PITPNC1: variants seen among roughly 807,000 people sequenced by gnomAD.
The protein encoded by PITPNC1 is cytoplasmic phosphatidylinositol transfer protein 1.
Under a neutral mutation model 44.7 loss-of-function variants are expected in PITPNC1, and 18 were observed. That is an observed-to-expected ratio of 0.40 (90% CI 0.28 to 0.60). The LOEUF (loss-of-function observed/expected upper bound fraction) is 0.60, where lower values mean the gene tolerates loss of function less well. Among genes scored for constraint, PITPNC1 ranks in the 20% least tolerant of loss-of-function variants. The pLI, the probability that PITPNC1 is intolerant of heterozygous loss-of-function variation, is 0.39. For synonymous variants in PITPNC1, 141 were observed against 149.6 expected, an observed-to-expected ratio of 0.94 and a Z score of 0.42; for missense variants, 290 against 418.4, an observed-to-expected ratio of 0.69 and a Z score of 2.68.
intron 5 of PITPNC1, among the ~76,000 whole-genome samples, chr17:67,625,272 A>G (rs1419098075): frequency 6.6e-6 from 1 of 152,192 alleles, no homozygotes; most frequent in East Asian, 1.9e-4. Flanking sequence ...CCATCTCAGG[A>G]GACAAATTCA....
intron 5 of PITPNC1, among the ~76,000 whole-genome samples, chr17:67,608,784 C>A (rs1354228736): frequency 6.8e-6 from 1 of 148,128 alleles, no homozygotes; most frequent in Non-Finnish European, 1.5e-5. Flanking sequence ...GAGGCATGAA[C>A]CATCACGCCC....
intron 2 of PITPNC1, among the ~76,000 whole-genome samples, chr17:67,549,175 C>T (rs576776909): frequency 2.6e-5 from 4 of 152,206 alleles, no homozygotes; most frequent in African/African-American, 7.2e-5. Flanking sequence ...GAGTTCAGGC[C>T]GGGCGCGGTG....
intron 1 of PITPNC1, among the ~76,000 whole-genome samples, chr17:67,433,501 G>A (rs1172738564): frequency 6.6e-6 from 1 of 152,188 alleles, no homozygotes; most frequent in African/African-American, 2.4e-5. Context: ...CACTTTAGGA[G>A]GCCGAGGAGG....
intron 1 of PITPNC1, among the ~76,000 whole-genome samples, chr17:67,423,867 C>T (rs922445641): frequency 6.6e-6 from 1 of 152,136 alleles, no homozygotes; most frequent in Non-Finnish European, 1.5e-5. Context: ...TCTCTGTCCT[C>T]ATTTGGATTC....
At chr17:67,474,956 C>T (rs942507631) in intron 1 of PITPNC1, among the ~76,000 whole-genome samples, 11 of 152,130 alleles carry the variant, frequency 7.2e-5, no homozygotes, top group African/African-American at 1.2e-4. Context: ...ATCCAGCCCA[C>T]GGGATTCTTG....
At chr17:67,502,776 TTG>T (rs2040051146) in intron 1 of PITPNC1, among the ~76,000 whole-genome samples, 2 of 151,342 alleles carry the variant, frequency 1.3e-5, no homozygotes, top group Non-Finnish European at 2.9e-5. Context: ...TTGTATTGTA[TTG>T]TATTGTATTG....
intron 1 of PITPNC1, among the ~76,000 whole-genome samples, chr17:67,491,119 A>AG (rs2039859186): frequency 6.6e-6 from 1 of 152,166 alleles, no homozygotes; most frequent in Admixed American, 6.5e-5. Context: ...AGTGAGAGGG[A>AG]GGTGACCTCC....
intron 1 of PITPNC1, among the ~76,000 whole-genome samples, chr17:67,439,226 C>T (rs2038977545): frequency 2.0e-5 from 3 of 152,130 alleles, no homozygotes; most frequent in Admixed American, 2.0e-4. Flanking sequence ...TGATGAGCCT[C>T]CTAATGTTGA....
At chr17:67,582,499 GA>G (rs2041248743) in intron 5 of PITPNC1, among the ~76,000 whole-genome samples, 2 of 151,966 alleles carry the variant, frequency 1.3e-5, no homozygotes, top group South Asian at 4.2e-4. Flanking sequence ...TAGTCATATT[GA>G]TGATAGTGGT....
At chr17:67,557,747 G>A (rs1302465882) in intron 4 of PITPNC1, among the ~76,000 whole-genome samples, 2 of 152,222 alleles carry the variant, frequency 1.3e-5, no homozygotes, top group Admixed American at 6.5e-5. Context: ...TACAGAGTCT[G>A]CACCCAGGAT....
rs529862745 is a variant in PITPNC1 at position 67,532,927 on chromosome 17, C to T, written c.174C>T (p.Thr58=). Residue 58 remains threonine, a synonymous_variant, in exon 2 of 9, where the codon ACC becomes ACT. Transcript: ENST00000581322. ...CTCACCATGGCAATGGGCAGTTCAC[C>T]GAGAAGCGGGTGTATCTCAACAGGT... ...EDPHHGNGQF[T]EKRVYLNSKL... The T allele has an allele frequency of 5.5e-4, 889 of 1,610,402 alleles. 11 individuals carry two copies. In the South Asian group the frequency reaches 9.1e-3, roughly 17 times the overall value.
intron 6 of PITPNC1, among the ~76,000 whole-genome samples, chr17:67,643,541 C>T (rs1276942028): frequency 6.6e-6 from 1 of 152,162 alleles, no homozygotes; most frequent in Non-Finnish European, 1.5e-5. Context: ...CAAAAGATAA[C>T]CCCTAGAACC....
chr17:67,513,489 G>GTATATATATATA (rs571272051), intron 1 of PITPNC1, among the ~76,000 whole-genome samples: 22 of 138,660 alleles, frequency 1.6e-4, no homozygotes, highest in South Asian at 9.2e-4. Flanking sequence ...GTGTGTGTGT[G>GTATATATATATA]TATATATATA....
chr17:67,475,557 C>T (rs914534645), intron 1 of PITPNC1, among the ~76,000 whole-genome samples: 2 of 152,154 alleles, frequency 1.3e-5, no homozygotes, highest in East Asian at 3.8e-4. Flanking sequence ...GCAGAGGCTG[C>T]GACGACCTCG....
rs987565689 is a variant in PITPNC1 at position 67,614,586 on chromosome 17, C to T, written c.367-17557C>T. Among the ~76,000 whole-genome samples, 16 of 151,030 alleles carry T rather than the reference C, an allele frequency of 1.1e-4. No individual in the cohort carries two copies. The South Asian group carries it at 1.5e-3, about 14-fold the overall frequency. Reference sequence around the variant, plus strand: ...ACTCGGGAGGCTGAGGGAGGAGAATCGCTTGAACCTGGGAGGCAGAGGCTG... The same window carrying T: ...ACTCGGGAGGCTGAGGGAGGAGAATTGCTTGAACCTGGGAGGCAGAGGCTG... On this transcript the variant is annotated intron_variant, in intron 5 of 8. Transcript: ENST00000581322.
intron 1 of PITPNC1, chr17:67,471,375 G>T (rs1434672041): frequency 1.4e-5 from 4 of 284,858 alleles, no homozygotes; most frequent in Non-Finnish European, 2.7e-5. Flanking sequence ...TGGACATTTG[G>T]GTTACTTCCA....
intron 1 of PITPNC1, among the ~76,000 whole-genome samples, chr17:67,495,097 C>A (rs12947133): frequency 0.72 from 91,284 of 126,388 alleles, 32,978 homozygotes; most frequent in African/African-American, 0.77. Context: ...GGCTCTGTCG[C>A]CCAGGCTGGA....
At chr17:67,568,163 C>T (rs1183100557) in intron 4 of PITPNC1, among the ~76,000 whole-genome samples, 1 of 151,982 alleles carries the variant, frequency 6.6e-6, no homozygotes, top group African/African-American at 2.4e-5. Context: ...GACTATCATT[C>T]GGCCAGAAAA....
intron 5 of PITPNC1, among the ~76,000 whole-genome samples, chr17:67,590,075 G>T (rs2041370712): frequency 6.6e-6 from 1 of 152,166 alleles, no homozygotes; most frequent in Admixed American, 6.5e-5. Context: ...TGGAAACGGG[G>T]TAGAGATGGT....
Sources: gnomAD v4.1 joint callset for allele counts (sites outside exome capture counted in the v4.1 genomes callset) on GRCh38, gnomAD v4.1.1 for gene constraint, MANE v1.5 for transcripts, NCBI Gene and HGNC (gene_info 2026-07-23, HGNC 2026-07-21) for gene names.